The following ZFAT variants were observed in gnomAD, a reference collection of about 807,000 sequenced individuals.
ZFAT encodes the protein zinc finger protein ZFAT.
In ZFAT, 64 loss-of-function variants were observed where a neutral mutation model predicts 117.7. The ratio of observed to expected loss-of-function variants is 0.54; its 90% CI spans 0.44 to 0.67. The LOEUF (loss-of-function observed/expected upper bound fraction) is 0.67, where lower values mean the gene tolerates loss of function less well. ZFAT is among the 30% of genes least tolerant of loss of function. The pLI is 0.00. For missense variants in ZFAT, 1,433 were observed against 1,584.5 expected, an observed-to-expected ratio of 0.90 and a Z score of 1.62; for synonymous variants, 679 against 615.0, an observed-to-expected ratio of 1.10 and a Z score of -1.54.
chr8:134,509,980 A>C, intron 14 of ZFAT: 1 of 552,644 alleles, frequency 1.8e-6, no homozygotes, highest in Non-Finnish European at 3.4e-6. Flanking sequence ...AGGATGGGAC[A>C]TTGAGACGTT....
At chr8:134,637,802 G>C (rs1830317182) in intron 2 of ZFAT, 90 bp from the exon 3 acceptor site, 2 of 1,493,270 alleles carry the variant, frequency 1.3e-6, no homozygotes, top group African/African-American at 1.4e-5. Flanking sequence ...ATATGTTCAG[G>C]TTTCACGTTT....
At chr8:134,817,758 GA>G in the ZFAT span, among the ~76,000 whole-genome samples, 1 of 151,960 alleles carries the variant, frequency 6.6e-6, no homozygotes, top group Non-Finnish European at 1.5e-5. Context: ...TTGAAAAAAA[GA>G]AAATTGGAAG....
intron 11 of ZFAT, among the ~76,000 whole-genome samples, chr8:134,544,447 T>C (rs1214685919): frequency 6.2e-5 from 1 of 16,158 alleles, no homozygotes; most frequent in East Asian, 5.9e-4. Context: ...CTGGTTGAAA[T>C]TTTTTTTTAA....
At chr8:134,824,851 G>C in the ZFAT span, among the ~76,000 whole-genome samples, 1 of 152,174 alleles carries the variant, frequency 6.6e-6, no homozygotes, top group South Asian at 2.1e-4. Context: ...CTAAAAGTCA[G>C]AATTCATGGT....
At chr8:134,756,435 C>A in the ZFAT span, among the ~76,000 whole-genome samples, 2 of 152,244 alleles carry the variant, frequency 1.3e-5, no homozygotes, top group Admixed American at 1.3e-4. Flanking sequence ...AGTCTGGGAA[C>A]TGGGACACAA....
chr8:134,694,946 T>C (rs938276047), intron 1 of ZFAT, among the ~76,000 whole-genome samples: 5 of 152,168 alleles, frequency 3.3e-5, no homozygotes, highest in African/African-American at 1.2e-4. Context: ...GTTGGAAAAT[T>C]AGTTCTCAAA....
the ZFAT span, among the ~76,000 whole-genome samples, chr8:134,781,678 C>T: frequency 5.9e-5 from 9 of 152,042 alleles, no homozygotes; most frequent in East Asian, 1.9e-4. Context: ...TTACACCAAC[C>T]GTGCCTTGCT....
chr8:134,620,082 G>A (rs1232849617), intron 3 of ZFAT, among the ~76,000 whole-genome samples: 1 of 152,208 alleles, frequency 6.6e-6, no homozygotes, highest in East Asian at 1.9e-4. Context: ...AGAGAACAGA[G>A]GGGCCTGGCT....
the ZFAT span, among the ~76,000 whole-genome samples, chr8:134,722,635 G>A: frequency 6.6e-6 from 1 of 152,208 alleles, no homozygotes; most frequent in Admixed American, 6.5e-5. Context: ...CTTTGCAGAT[G>A]AGGAAGCAGA....
At chr8:134,807,913 C>A in the ZFAT span, among the ~76,000 whole-genome samples, 1 of 152,048 alleles carries the variant, frequency 6.6e-6, no homozygotes, top group African/African-American at 2.4e-5. Context: ...GTGTTTAGGA[C>A]AGAAAGATGA....
Position 134,602,800 on chromosome 8 carries a change from C to A in ZFAT, c.919G>T (p.Ala307Ser). ...KPYKCPQCSY[A>S]SAIKANLNVH... ...TTGAGGTTGGCCTTGATGGCACTGG[C>A]ATAGCTGCACTGGGGGCACTTGTAT... Residue 307 changes from alanine (A) to serine (S), a missense_variant, in exon 6 of 16, where the codon GCC becomes TCC. Coordinates refer to ENST00000377838, the MANE Select transcript of ZFAT (RefSeq NM_020863.4). 2 of 1,614,184 alleles carry A rather than the reference C, an allele frequency of 1.2e-6. No individual in the cohort carries two copies. The highest frequency in any genetic ancestry group is 1.7e-6 in the Non-Finnish European group (2 of 1,180,042).
At chr8:134,675,650 T>A (rs1832762766) in intron 1 of ZFAT, among the ~76,000 whole-genome samples, 1 of 152,004 alleles carries the variant, frequency 6.6e-6, no homozygotes, top group Non-Finnish European at 1.5e-5. Context: ...AGACACATAA[T>A]CATCAAATTC....
chr8:134,786,478 GC>G, the ZFAT span, among the ~76,000 whole-genome samples: 7 of 152,078 alleles, frequency 4.6e-5, no homozygotes, highest in Admixed American at 2.0e-4. Flanking sequence ...CTTGCATTTT[GC>G]TGGTTCTCCC....
At chr8:134,606,681 T>C (rs867672523) in intron 5 of ZFAT, among the ~76,000 whole-genome samples, 90 of 150,854 alleles carry the variant, frequency 6.0e-4, no homozygotes, top group African/African-American at 2.0e-3. Flanking sequence ...TGAGCCAAGA[T>C]TGTGCCACTG....
the ZFAT span, among the ~76,000 whole-genome samples, chr8:134,721,823 C>T: frequency 2.2e-4 from 33 of 152,314 alleles, no homozygotes; most frequent in East Asian, 3.9e-4. Context: ...GCAGCAGGGA[C>T]GGACTCACCT....
the ZFAT span, among the ~76,000 whole-genome samples, chr8:134,755,890 G>A: frequency 3.3e-5 from 5 of 150,846 alleles, no homozygotes; most frequent in Non-Finnish European, 4.4e-5. Flanking sequence ...ACTTGCAACC[G>A]AAAGTTTCTG....
intron 7 of ZFAT, 102 bp downstream of exon 7, chr8:134,600,334 T>C (rs2130919866): frequency 9.3e-7 from 1 of 1,077,086 alleles, no homozygotes; most frequent in East Asian, 2.4e-5. Flanking sequence ...CTCTATGTTT[T>C]CAGGGCTGAC....
chr8:134,584,205 G>C (rs1468332521), intron 9 of ZFAT, among the ~76,000 whole-genome samples, 200 bp from the exon 10 acceptor site: 1 of 152,128 alleles, frequency 6.6e-6, no homozygotes, highest in Non-Finnish European at 1.5e-5. Flanking sequence ...CCCAGGCTAT[G>C]CCTTCGTCCT....
At chr8:134,514,854 G>C (rs183829375) in intron 13 of ZFAT, among the ~76,000 whole-genome samples, 23 of 152,208 alleles carry the variant, frequency 1.5e-4, no homozygotes, top group Middle Eastern at 6.8e-3. Flanking sequence ...TACATGTGCA[G>C]AACATGCAGG....
Sources: allele counts gnomAD v4.1 joint callset (sites outside exome capture counted in the v4.1 genomes callset), GRCh38; gene constraint gnomAD v4.1.1; transcripts MANE v1.5; gene names NCBI Gene and HGNC (gene_info 2026-07-23, HGNC 2026-07-21).